The following ZSCAN25 variants were observed in gnomAD, a reference collection of about 807,000 sequenced individuals.
The protein encoded by ZSCAN25 is zinc finger and SCAN domain-containing protein 25.
In ZSCAN25, 27 loss-of-function variants were observed where a neutral mutation model predicts 38.7. That is an observed-to-expected ratio of 0.70 (90% confidence interval 0.51 to 0.96). The LOEUF is 0.96. Among genes scored for constraint, ZSCAN25 ranks in the 40% least tolerant of loss-of-function variants. ZSCAN25 has a pLI of 0.00. For missense variants in ZSCAN25, 637 were observed against 705.9 expected (o/e 0.90, Z 1.11); for synonymous variants, 273 against 277.7 (o/e 0.98, Z 0.17).
intron 4 of ZSCAN25, 94 bp downstream of exon 4, chr7:99,620,087 G>T (rs1490002401): frequency 6.9e-7 from 1 of 1,443,714 alleles, no homozygotes; most frequent in Non-Finnish European, 9.1e-7. Flanking sequence ...GAGTGGACGA[G>T]GTGTGGAGCC....
the ZSCAN25 span, chr7:99,716,049 T>C: frequency 6.6e-7 from 1 of 1,511,422 alleles, no homozygotes; most frequent in South Asian, 1.2e-5. Context: ...GCATCTCCCA[T>C]CACACTCCCT....
chr7:99,628,336 C>T (rs534314899), intron 7 of ZSCAN25, among the ~76,000 whole-genome samples: 1 of 152,208 alleles, frequency 6.6e-6, no homozygotes, highest in African/African-American at 2.4e-5. Flanking sequence ...CTTTAAGCAC[C>T]ACTTATTTCT....
At chr7:99,677,213 C>T in the ZSCAN25 span, 3 of 985,308 alleles carry the variant, frequency 3.0e-6, no homozygotes, top group Non-Finnish European at 3.6e-6. Context: ...GACCTTCCCC[C>T]TCCGGTGTGA....
the ZSCAN25 span, among the ~76,000 whole-genome samples, chr7:99,683,050 T>A: frequency 6.6e-6 from 1 of 151,644 alleles, no homozygotes; most frequent in South Asian, 2.1e-4. Context: ...CATTTGGAAA[T>A]CATTTGGAAA....
At chr7:99,628,774 T>G (rs146726784) in intron 7 of ZSCAN25, among the ~76,000 whole-genome samples, 2 of 151,860 alleles carry the variant, frequency 1.3e-5, no homozygotes, top group African/African-American at 4.8e-5. Context: ...TGTAGAATCG[T>G]TTGGGGAAGG....
intron 7 of ZSCAN25, among the ~76,000 whole-genome samples, chr7:99,625,186 T>A (rs904875789): frequency 1.1e-4 from 16 of 152,150 alleles, no homozygotes; most frequent in African/African-American, 3.9e-4. Flanking sequence ...GGAATGGGGC[T>A]GTTCATGGAA....
chr7:99,672,511 G>GT, the ZSCAN25 span: 4 of 1,368,012 alleles, frequency 2.9e-6, no homozygotes, highest in South Asian at 1.2e-5. Context: ...GTGAATATAT[G>GT]TTTTTTTCAA....
At chr7:99,659,416 G>C in the ZSCAN25 span, 1 of 155,310 alleles carries the variant, frequency 6.4e-6, no homozygotes, top group Non-Finnish European at 1.4e-5. Flanking sequence ...AAATGCTGCT[G>C]CCTGATCATT....
chr7:99,663,885 T>A, the ZSCAN25 span: 1 of 1,465,442 alleles, frequency 6.8e-7, no homozygotes, highest in Non-Finnish European at 9.0e-7. Context: ...TTTTTAAAAA[T>A]ACAGATACAT....
At chr7:99,625,065 T>C (rs940515230) in intron 7 of ZSCAN25, among the ~76,000 whole-genome samples, 3 of 152,144 alleles carry the variant, frequency 2.0e-5, no homozygotes, top group Non-Finnish European at 4.4e-5. Context: ...AGAGCAAGAT[T>C]ATCCCTGTGC....
the ZSCAN25 span, among the ~76,000 whole-genome samples, chr7:99,656,439 T>A: frequency 6.6e-6 from 1 of 152,220 alleles, no homozygotes; most frequent in Non-Finnish European, 1.5e-5. Context: ...GCCCACTTGA[T>A]CATGGTGGAT....
chr7:99,686,406 T>C, the ZSCAN25 span, among the ~76,000 whole-genome samples: 1 of 152,142 alleles, frequency 6.6e-6, no homozygotes, highest in East Asian at 1.9e-4. Flanking sequence ...TCTCACTAAT[T>C]GCTAGCACAG....
At chr7:99,735,920 T>C in the ZSCAN25 span, among the ~76,000 whole-genome samples, 1 of 152,192 alleles carries the variant, frequency 6.6e-6, no homozygotes, top group Non-Finnish European at 1.5e-5. Flanking sequence ...CCTCTGACTT[T>C]CTGGTGACCA....
At chr7:99,709,847 G>T in the ZSCAN25 span, among the ~76,000 whole-genome samples, 1 of 152,120 alleles carries the variant, frequency 6.6e-6, no homozygotes, top group Middle Eastern at 3.4e-3. Flanking sequence ...TACATAAAAT[G>T]TGGAGAGAAA....
chr7:99,716,796 T>C, the ZSCAN25 span, among the ~76,000 whole-genome samples: 2 of 152,180 alleles, frequency 1.3e-5, no homozygotes, highest in African/African-American at 2.4e-5. Flanking sequence ...CATTATAACT[T>C]TCCCACCCTA....
chr7:99,662,489 T>C, the ZSCAN25 span, among the ~76,000 whole-genome samples: 1 of 152,220 alleles, frequency 6.6e-6, no homozygotes, highest in Non-Finnish European at 1.5e-5. This position sits in a 1 kb window ranked among gnomAD's most constrained non-coding sequence, Gnocchi z 4.3. Context: ...GTATGTTTGA[T>C]ATAAATTTCC....
At chr7:99,678,057 T>C in the ZSCAN25 span, among the ~76,000 whole-genome samples, 1 of 152,214 alleles carries the variant, frequency 6.6e-6, no homozygotes, top group Non-Finnish European at 1.5e-5. Flanking sequence ...ATCTATTGCA[T>C]GTAATTGTGT....
the ZSCAN25 span, among the ~76,000 whole-genome samples, chr7:99,684,300 T>C: frequency 6.6e-6 from 1 of 151,838 alleles, no homozygotes; most frequent in Non-Finnish European, 1.5e-5. Context: ...CCTGGGTAGC[T>C]GAGATTATAG....
the ZSCAN25 span, among the ~76,000 whole-genome samples, chr7:99,732,583 T>C: frequency 6.6e-6 from 1 of 152,132 alleles, no homozygotes; most frequent in Non-Finnish European, 1.5e-5. Flanking sequence ...TGTATGGACT[T>C]CCCCAACTGG....
Sources: gnomAD v4.1 joint callset for allele counts (sites outside exome capture counted in the v4.1 genomes callset) on GRCh38, gnomAD v4.1.1 for gene constraint, Gnocchi (gnomAD v3.1) non-coding constraint, MANE v1.5 for transcripts, NCBI Gene and HGNC (gene_info 2026-07-23, HGNC 2026-07-21) for gene names.